Variants in CDH13 observed in about 807,000 individuals in gnomAD.
CDH13 encodes the protein cadherin-13.
Under a neutral mutation model 63.8 loss-of-function variants are expected in CDH13, and 24 were observed. The ratio of observed to expected loss-of-function variants is 0.38; its 90% CI spans 0.27 to 0.53. The LOEUF (loss-of-function observed/expected upper bound fraction) is 0.53. Ranked by LOEUF, CDH13 falls within the 20% of genes least tolerant of loss-of-function variation. The pLI, the probability that CDH13 is intolerant of heterozygous loss-of-function variation, is 0.85. For missense variants in CDH13, 1,049 were observed against 903.1 expected (o/e 1.16, Z -2.07); for synonymous variants, 503 against 355.3 (o/e 1.42, Z -4.67).
intron 10 of CDH13, 132 bp from the exon 11 acceptor site, chr16:83,747,976 C>A (rs1421084460): frequency 4.3e-6 from 4 of 930,060 alleles, no homozygotes; most frequent in South Asian, 1.5e-5. Flanking sequence ...GCAACTGTAA[C>A]AGAAATGATG....
chr16:83,508,122 G>GGAGGGAGT (rs2074459590), intron 7 of CDH13, among the ~76,000 whole-genome samples: 1 of 87,766 alleles, frequency 1.1e-5, no homozygotes, highest in Non-Finnish European at 2.3e-5. Flanking sequence ...AGGAAGGAAG[G>GGAGGGAGT]GAGGAAGGAA....
At chr16:83,151,996 T>C (rs2037002552) in intron 4 of CDH13, among the ~76,000 whole-genome samples, 1 of 150,940 alleles carries the variant, frequency 6.6e-6, no homozygotes, top group Non-Finnish European at 1.5e-5. Context: ...CTAAGTAGCC[T>C]TTTGCAAGAC....
chr16:83,131,981 T>C (rs4783330), intron 4 of CDH13, among the ~76,000 whole-genome samples: 107,571 of 152,114 alleles, frequency 0.71, 38,380 homozygotes, highest in African/African-American at 0.76. Context: ...TACATCAGCT[T>C]TGCCATGTTC....
At chr16:83,445,233 G>GTTTATAATTTATAAAAGCT (rs1453234998) in intron 6 of CDH13, among the ~76,000 whole-genome samples, 12 of 139,272 alleles carry the variant, frequency 8.6e-5, no homozygotes, top group South Asian at 2.4e-4. Context: ...GGCTGCGAGA[G>GTTTATAATTTATAAAAGCT]TTTATAATTT....
chr16:83,239,983 C>G (rs1007957851), intron 5 of CDH13, among the ~76,000 whole-genome samples: 16 of 152,178 alleles, frequency 1.1e-4, no homozygotes, highest in African/African-American at 3.6e-4. Flanking sequence ...AGGTCATGAG[C>G]TATACAAATA....
intron 6 of CDH13, among the ~76,000 whole-genome samples, chr16:83,483,478 TTTC>T (rs1267806496): frequency 1.3e-5 from 2 of 151,552 alleles, no homozygotes; most frequent in East Asian, 3.9e-4. Context: ...TTTTTTTTTT[TTTC>T]TTCCTCTAAT....
rs1314804553 is a variant in CDH13 at position 83,798,745 on chromosome 16, T to C, written c.*3715T>C. The stretch of plus-strand genomic sequence containing the variant: ...TGACTATGCAGCTAGACCAACTTAC[T>C]GTTAAGCAACAGTACCTTTTACTAT... On this transcript the variant is annotated 3_prime_UTR_variant, in exon 14 of 14. Transcript: ENST00000567109. 1 of 152,234 alleles carries C rather than the reference T, an allele frequency of 6.6e-6. No homozygotes were observed. The highest frequency in any genetic ancestry group is 1.9e-4 in the East Asian group (1 of 5,200). 9.4% of individuals were successfully genotyped at this position (152,234 alleles called of 1,614,324 possible).
At chr16:83,717,828 C>G (rs1190763258) in intron 10 of CDH13, 2 of 152,192 alleles carry the variant, frequency 1.3e-5, no homozygotes, top group African/African-American at 4.8e-5. Context: ...TGCAGGACAC[C>G]TTTCCCTGGA....
chr16:83,184,524 G>C (rs544917411), intron 4 of CDH13, among the ~76,000 whole-genome samples: 2 of 152,156 alleles, frequency 1.3e-5, no homozygotes, highest in Non-Finnish European at 2.9e-5. Flanking sequence ...GGAGGCTGAG[G>C]TGGGTGGATC....
chr16:83,219,768 G>C (rs1567516345), intron 5 of CDH13, among the ~76,000 whole-genome samples: 1 of 152,172 alleles, frequency 6.6e-6, no homozygotes, highest in Non-Finnish European at 1.5e-5. Flanking sequence ...ACATTTAATT[G>C]AGTGCTTATA....
intron 1 of CDH13, among the ~76,000 whole-genome samples, chr16:82,819,347 C>G (rs188122287): frequency 1.3e-5 from 2 of 152,296 alleles, no homozygotes; most frequent in Admixed American, 1.3e-4. Context: ...GACACAGATT[C>G]TAGTATCAAA....
intron 4 of CDH13, among the ~76,000 whole-genome samples, chr16:83,171,329 T>A (rs1255270013): frequency 1.3e-5 from 2 of 152,036 alleles, no homozygotes; most frequent in East Asian, 3.9e-4. Flanking sequence ...AAAGGGATGG[T>A]CCTAAACCAT....
chr16:83,115,925 G>A (rs1001563311), intron 3 of CDH13, among the ~76,000 whole-genome samples: 1 of 152,244 alleles, frequency 6.6e-6, no homozygotes, highest in East Asian at 1.9e-4. Flanking sequence ...CTGTTTGAAT[G>A]TCAGCGTATT....
At chr16:83,279,329 A>G (rs1282889916) in intron 5 of CDH13, among the ~76,000 whole-genome samples, 1 of 152,206 alleles carries the variant, frequency 6.6e-6, no homozygotes, top group Non-Finnish European at 1.5e-5. Context: ...ACATGCCTCC[A>G]TTCCACTCTT....
At chr16:83,066,516 CTTACAAAAGGGA>C (rs59299617) in intron 3 of CDH13, among the ~76,000 whole-genome samples, 4,129 of 152,254 alleles carry the variant, frequency 0.027, 165 homozygotes, top group African/African-American at 0.094. Flanking sequence ...CTGACTGATG[CTTACAAAAGGGA>C]TTATAAAGCC....
intron 4 of CDH13, among the ~76,000 whole-genome samples, chr16:83,206,484 C>G (rs1006315367): frequency 1.3e-5 from 2 of 152,214 alleles, no homozygotes; most frequent in Non-Finnish European, 2.9e-5. Flanking sequence ...TGCCCAGCTC[C>G]AAGATCAGCA....
At chr16:82,672,954 G>T (rs562336327) in intron 1 of CDH13, among the ~76,000 whole-genome samples, 1 of 148,324 alleles carries the variant, frequency 6.7e-6, no homozygotes, top group Non-Finnish European at 1.5e-5. Context: ...AGCTGGGACC[G>T]CAGGATTGCG....
intron 4 of CDH13, among the ~76,000 whole-genome samples, chr16:83,190,077 T>C (rs1420953974): frequency 6.6e-6 from 1 of 152,216 alleles, no homozygotes; most frequent in Non-Finnish European, 1.5e-5. Context: ...TACTAAGTCT[T>C]GGGTATGTCT....
chr16:83,321,520 C>G (rs1189680497), intron 5 of CDH13, among the ~76,000 whole-genome samples: 1 of 131,612 alleles, frequency 7.6e-6, no homozygotes, highest in Non-Finnish European at 1.6e-5. Context: ...ATATGGAAAT[C>G]TGGAATTTTT....
Sources: gnomAD v4.1 joint callset for allele counts (sites outside exome capture counted in the v4.1 genomes callset) on GRCh38, gnomAD v4.1.1 for gene constraint, MANE v1.5 for transcripts, NCBI Gene and HGNC (gene_info 2026-07-23, HGNC 2026-07-21) for gene names.